Variants in NFIC observed in about 807,000 individuals in gnomAD.
The protein encoded by NFIC is nuclear factor I C, also known as nuclear factor 1 C-type.
A neutral mutation model predicts 54.4 loss-of-function variants in NFIC; 12 were observed. That is an observed-to-expected ratio of 0.22 (90% CI 0.14 to 0.36). The LOEUF (loss-of-function observed/expected upper bound fraction) is 0.36, where lower values mean the gene tolerates loss of function less well. NFIC is among the 10% of genes least tolerant of loss of function. The pLI, the probability that NFIC is intolerant of heterozygous loss-of-function variation, is 1.00. For missense variants in NFIC, 575 were observed against 718.2 expected, an observed-to-expected ratio of 0.80 and a Z score of 2.28; for synonymous variants, 322 against 319.2, an observed-to-expected ratio of 1.01 and a Z score of -0.09.
intron 6 of NFIC, among the ~76,000 whole-genome samples, chr19:3,438,429 CTTTTTTTTTTT>C (rs59788026): frequency 8.1e-6 from 1 of 124,096 alleles, no homozygotes; most frequent in Non-Finnish European, 1.7e-5. Context: ...CTGAGGGTTT[CTTTTTTTTTTT>C]TTTTTTTTTC....
chr19:3,418,955 A>G (rs1198349026), intron 2 of NFIC, among the ~76,000 whole-genome samples: 4 of 152,232 alleles, frequency 2.6e-5, no homozygotes, highest in South Asian at 2.1e-4. Context: ...ATTAAGCTCA[A>G]TTGAGAAAAG....
intron 6 of NFIC, among the ~76,000 whole-genome samples, chr19:3,442,302 C>A (rs546341199): frequency 1.3e-5 from 2 of 152,296 alleles, no homozygotes; most frequent in Admixed American, 1.3e-4. Context: ...AAGGTCCCGT[C>A]CACAGGCGGT....
At chr19:3,409,382 C>G (rs1022212710) in intron 2 of NFIC, among the ~76,000 whole-genome samples, 1 of 152,192 alleles carries the variant, frequency 6.6e-6, no homozygotes, top group African/African-American at 2.4e-5. Flanking sequence ...ACGCCGCCCC[C>G]AAAGCCATTC....
At chr19:3,409,938 T>C (rs1316294233) in intron 2 of NFIC, among the ~76,000 whole-genome samples, 2 of 152,154 alleles carry the variant, frequency 1.3e-5, no homozygotes, top group African/African-American at 4.8e-5. Flanking sequence ...CCGGCTGCGG[T>C]GGCTCGCACC....
rs1397853775 is a variant in NFIC, at chr19:3,459,216, C to G, written c.1509+2581C>G. The stretch of plus-strand genomic sequence containing the variant: ...GGTGGGCGCGCCTTTCCCTCTGCCT[C>G]TCCGGCTCCCGACACCCCCCAGTCC... On this transcript the variant is annotated intron_variant, in intron 10 of 10. Transcript: ENST00000443272. The surrounding 1 kb of genome is among the most constrained non-coding windows in gnomAD (Gnocchi z 4.2). Among the ~76,000 whole-genome samples the G allele has an allele frequency of 1.3e-5, 2 of 151,418 alleles. No homozygotes were observed. The highest frequency in any genetic ancestry group is 1.9e-4 in the East Asian group (1 of 5,152).
intron 2 of NFIC, among the ~76,000 whole-genome samples, chr19:3,421,328 C>G (rs2081950538): frequency 6.6e-6 from 1 of 152,372 alleles, no homozygotes; most frequent in Non-Finnish European, 1.5e-5. Context: ...GGAAGAGGGT[C>G]CTGTGCCCAC....
rs10617203 is a variant in NFIC at position 3,465,430 on chromosome 19, T to TAAAAAAAA, written c.*2678_*2685dup. ...AATAAAAAATAAGAAAGTGAGAATCTAAAAAAAAAAAAAAAAAAAAAAAAG... is the reference window on the plus strand; with the variant it reads ...AATAAAAAATAAGAAAGTGAGAATCTAAAAAAAAAAAAAAAAAAAAAAAAAAAAAAAAG... On this transcript the variant is annotated 3_prime_UTR_variant, in exon 11 of 11. Coordinates refer to ENST00000443272, the MANE Select transcript of NFIC (RefSeq NM_001245002.2). 1.6e-5 allele frequency: 1 copy of TAAAAAAAA among 60,802 alleles called. No individual in the cohort carries two copies. The highest frequency in any genetic ancestry group is 3.4e-5 in the Non-Finnish European group (1 of 29,436). 3.8% of individuals were successfully genotyped at this position (60,802 alleles called of 1,614,324 possible). A position where few individuals can be genotyped will look rare whatever the true frequency, so the allele number is the denominator to read the frequency against.
chr19:3,392,057 G>A (rs890650875), intron 2 of NFIC, among the ~76,000 whole-genome samples: 2 of 146,530 alleles, frequency 1.4e-5, no homozygotes, highest in Non-Finnish European at 3.0e-5. Flanking sequence ...ATTTAAATGA[G>A]ATAATAGCTC....
At position 3,439,147 on chromosome 19, in the gene NFIC, T is replaced by C. The variant is rs374526242; in HGVS notation, c.958+3940T>C. Among the ~76,000 whole-genome samples, 136 of 146,024 alleles carry C rather than the reference T, an allele frequency of 9.3e-4. 1 individual carries two copies. Among genetic ancestry groups the C allele is most frequent in the African/African-American group, 3.5e-3 (135 of 38,962 alleles). ...TGGCTTACAACTGTAATCCTAGCAA[T>C]ATGGCAAGACCCCATCTCTACTTAA... On this transcript the variant is annotated intron_variant, in intron 6 of 10. Transcript: ENST00000443272.
intron 10 of NFIC, chr19:3,456,904 C>G (rs2082568174): frequency 5.7e-6 from 3 of 524,268 alleles, no homozygotes; most frequent in Non-Finnish European, 1.0e-5. Flanking sequence ...CATCGTGGTA[C>G]AGCTATGGGA....
intron 2 of NFIC, among the ~76,000 whole-genome samples, chr19:3,391,541 A>G (rs548415692): frequency 4.6e-4 from 70 of 152,176 alleles, no homozygotes; most frequent in African/African-American, 1.7e-3. Flanking sequence ...TCACACCTGT[A>G]ATCCCAGCAC....
intron 10 of NFIC, 200 bp downstream of exon 10, chr19:3,456,835 G>A (rs1568200855): frequency 1.6e-6 from 1 of 612,506 alleles, no homozygotes. Flanking sequence ...TTGGTCCTGG[G>A]GGGATGGGGT....
chr19:3,398,774 G>A (rs1327651876), intron 2 of NFIC, among the ~76,000 whole-genome samples: 1 of 152,172 alleles, frequency 6.6e-6, no homozygotes, highest in Non-Finnish European at 1.5e-5. Context: ...TTTATGCAAG[G>A]GCAGCCGGCC....
At chr19:3,396,297 C>G (rs1043853116) in intron 2 of NFIC, among the ~76,000 whole-genome samples, 9 of 151,904 alleles carry the variant, frequency 5.9e-5, no homozygotes, top group African/African-American at 9.7e-5. Flanking sequence ...TGGTGAAACC[C>G]CGTCTCTACT....
Position 3,467,141 on chromosome 19 carries a change from C to G in NFIC, c.*4372C>G, listed in dbSNP as rs182356784. On this transcript the variant is annotated 3_prime_UTR_variant, in exon 11 of 11. Transcript: ENST00000443272. ...AACATGTATGAAACTGACATCTTCTCAAATCTTGTTCCACCCCCCTCTGGA... is the reference window on the plus strand; with the variant it reads ...AACATGTATGAAACTGACATCTTCTGAAATCTTGTTCCACCCCCCTCTGGA... The G allele has an allele frequency of 5.4e-5, 8 of 149,428 alleles. No homozygotes were observed. Among genetic ancestry groups the G allele is most frequent in the African/African-American group, 2.0e-4 (8 of 39,384 alleles). The allele number at this position is 149,428 out of a possible 1,614,324, so 9.3% of individuals were successfully genotyped here.
rs2082719160 is a variant in NFIC at position 3,466,522 on chromosome 19, C to G, written c.*3753C>G. 6.6e-6 allele frequency: 1 copy of G among 152,292 alleles called. No individual in the cohort carries two copies. Among genetic ancestry groups the G allele is most frequent in the East Asian group, 1.9e-4 (1 of 5,200 alleles). 9.4% of individuals were successfully genotyped at this position (152,292 alleles called of 1,614,324 possible). ...TCCCGTGTTTTCTTCCAAAAAGTCA[C>G]CTCAGCAGCCTCCCCAGGCGATACA... On this transcript the variant is annotated 3_prime_UTR_variant, in exon 11 of 11. Coordinates refer to ENST00000443272, the MANE Select transcript of NFIC (RefSeq NM_001245002.2). This position sits in a 1 kb window ranked among gnomAD's most constrained non-coding sequence, Gnocchi z 4.8.
intron 2 of NFIC, among the ~76,000 whole-genome samples, chr19:3,416,236 C>T (rs1220502874): frequency 1.3e-5 from 2 of 149,878 alleles, no homozygotes; most frequent in South Asian, 2.1e-4. Flanking sequence ...TCCCTAATCA[C>T]TCTCCTGTGA....
At position 3,464,731 on chromosome 19, in the gene NFIC, A is replaced by G. The variant is rs2082693857; in HGVS notation, c.*1962A>G. On this transcript the variant is annotated 3_prime_UTR_variant, in exon 11 of 11. Transcript: ENST00000443272. ...AACCCGCTCGCTCCTAAAGAGAAAG[A>G]CCCAGGACCCTCCCCCATCACCCCC... The G allele has an allele frequency of 1.0e-6, 1 of 984,502 alleles. No individual in the cohort carries two copies. Among genetic ancestry groups the G allele is most frequent in the Non-Finnish European group, 1.2e-6 (1 of 829,698 alleles). 61.0% of individuals were successfully genotyped at this position (984,502 alleles called of 1,614,324 possible).
intron 2 of NFIC, among the ~76,000 whole-genome samples, chr19:3,408,038 C>T (rs2081682898): frequency 6.6e-6 from 1 of 152,138 alleles, no homozygotes; most frequent in Non-Finnish European, 1.5e-5. Flanking sequence ...CAGGGCCTGG[C>T]TTTGGTTCTC....
Sources: allele counts gnomAD v4.1 joint callset (sites outside exome capture counted in the v4.1 genomes callset), GRCh38; gene constraint gnomAD v4.1.1; non-coding constraint Gnocchi (gnomAD v3.1); transcripts MANE v1.5; gene names NCBI Gene and HGNC (gene_info 2026-07-23, HGNC 2026-07-21).